The following BMP5 variants were observed in gnomAD, a reference collection of about 807,000 sequenced individuals.
BMP5 encodes the protein bone morphogenetic protein 5.
BMP5 carries 23 observed loss-of-function variants against 46.6 expected under a neutral mutation model. That is an observed-to-expected ratio of 0.49 (90% confidence interval 0.35 to 0.70). The LOEUF (loss-of-function observed/expected upper bound fraction) is 0.70, where lower values mean the gene tolerates loss of function less well. BMP5 is among the 30% of genes least tolerant of loss of function. The pLI is 0.00. For synonymous variants in BMP5, 204 were observed against 191.9 expected, an observed-to-expected ratio of 1.06 and a Z score of -0.52; for missense variants, 545 against 565.6, an observed-to-expected ratio of 0.96 and a Z score of 0.37.
chr6:55,831,252 T>A (rs1404594241), intron 1 of BMP5, among the ~76,000 whole-genome samples: 1 of 152,130 alleles, frequency 6.6e-6, no homozygotes, highest in Non-Finnish European at 1.5e-5. Context: ...GGGAAAATAA[T>A]ACTGACAAGT....
intron 3 of BMP5, among the ~76,000 whole-genome samples, chr6:55,775,832 G>A (rs1488600382): frequency 3.3e-5 from 5 of 151,656 alleles, no homozygotes; most frequent in Admixed American, 6.6e-5. Flanking sequence ...GAACAAGACC[G>A]TCAGAAAATG....
At chr6:55,799,002 A>G (rs1775781124) in intron 2 of BMP5, among the ~76,000 whole-genome samples, 1 of 152,224 alleles carries the variant, frequency 6.6e-6, no homozygotes, top group Admixed American at 6.5e-5. Context: ...TGGTGGAATG[A>G]GAATATAGAA....
At chr6:55,816,315 A>C (rs1776268783) in intron 2 of BMP5, among the ~76,000 whole-genome samples, 1 of 151,954 alleles carries the variant, frequency 6.6e-6, no homozygotes, top group Non-Finnish European at 1.5e-5. Context: ...TCTTTAAAAA[A>C]CTCATAATCC....
intron 1 of BMP5, among the ~76,000 whole-genome samples, chr6:55,828,850 T>G (rs1335065913): frequency 6.6e-6 from 1 of 151,844 alleles, no homozygotes; most frequent in African/African-American, 2.4e-5. Flanking sequence ...CACCCACTTT[T>G]AATTTTAAAT....
chr6:55,833,262 CA>C (rs1418987904), intron 1 of BMP5, among the ~76,000 whole-genome samples: 1 of 152,166 alleles, frequency 6.6e-6, no homozygotes, highest in Non-Finnish European at 1.5e-5. Context: ...CAACTAAGTA[CA>C]ACAAAAATTG....
In BMP5 at chr6:55,774,079, G is replaced by C; in HGVS notation, c.997C>G (p.Gln333Glu). The C allele has an allele frequency of 6.2e-7, 1 of 1,612,792 alleles. No individual in the cohort carries two copies. ...ACACTGGACATTCTGGAGGAGTCCT[G>C]ATGAGAGCTGGATTTATTGCGGTTT... ...NQNRNKSSSH[Q>E]DSSRMSSVGD... The change falls in exon 4 of 7, where the codon CAG becomes GAG. Residue 333 changes from glutamine (Q) to glutamate (E), a missense_variant. Transcript: ENST00000370830.
chr6:55,874,248 A>C, intron 1 of BMP5, 128 bp downstream of exon 1: 1 of 1,166,840 alleles, frequency 8.6e-7, no homozygotes, highest in Non-Finnish European at 1.2e-6. Flanking sequence ...AAGAAAACAG[A>C]AGCTAAACAG....
Position 55,774,101 on chromosome 6 carries a change from G to A in BMP5, c.975C>T (p.Asn325=). The A allele has an allele frequency of 6.2e-7, 1 of 1,613,042 alleles. No homozygotes were observed. Among genetic ancestry groups the A allele is most frequent in the Non-Finnish European group, 8.5e-7 (1 of 1,179,414 alleles). ...CCTGATGAGAGCTGGATTTATTGCG[G>A]TTTTGATTTTTTCGTTTGTTGGCTG... The part of the protein sequence containing the change: ...VRAANKRKNQ[N]RNKSSSHQDS... The change falls in exon 4 of 7, where the codon AAC becomes AAT. Residue 325 remains asparagine (N), a synonymous_variant. Coordinates refer to ENST00000370830, the MANE Select transcript of BMP5 (RefSeq NM_021073.4).
chr6:55,773,438 C>T (rs1198924137), intron 4 of BMP5, among the ~76,000 whole-genome samples: 1 of 151,622 alleles, frequency 6.6e-6, no homozygotes, highest in Non-Finnish European at 1.5e-5. Context: ...CTATAATTAA[C>T]AGATTAATTT....
chr6:55,806,811 A>C (rs1776001738), intron 2 of BMP5, among the ~76,000 whole-genome samples: 1 of 152,046 alleles, frequency 6.6e-6, no homozygotes, highest in Non-Finnish European at 1.5e-5. Context: ...ATTCCTAGGC[A>C]TTTTATTCTC....
At chr6:55,860,362 G>A (rs1777502683) in intron 1 of BMP5, among the ~76,000 whole-genome samples, 1 of 152,202 alleles carries the variant, frequency 6.6e-6, no homozygotes, top group Admixed American at 6.5e-5. Context: ...GTAAATGATT[G>A]AAAGTGGCCA....
intron 1 of BMP5, among the ~76,000 whole-genome samples, chr6:55,836,463 A>C (rs1438615270): frequency 6.6e-6 from 1 of 152,114 alleles, no homozygotes; most frequent in Non-Finnish European, 1.5e-5. Flanking sequence ...CCAGCATGAG[A>C]AATCTAAATT....
intron 4 of BMP5, among the ~76,000 whole-genome samples, chr6:55,764,390 G>A (rs773519056): frequency 6.6e-6 from 1 of 151,990 alleles, no homozygotes; most frequent in Admixed American, 6.6e-5. Context: ...TGGCTAACAC[G>A]GTGAAACCCC....
At chr6:55,828,011 C>A (rs1776572354) in intron 1 of BMP5, among the ~76,000 whole-genome samples, 1 of 151,826 alleles carries the variant, frequency 6.6e-6, no homozygotes, top group Admixed American at 6.6e-5. Context: ...TAGAGGTCAA[C>A]CATTCTAATC....
At position 55,857,990 on chromosome 6, in the gene BMP5, G is replaced by T. The variant is rs543551781; in HGVS notation, c.490+16386C>A. On this transcript the variant is annotated intron_variant, in intron 1 of 6. Transcript: ENST00000370830. ...TGACCTCAGGTGATCCACCCACCTC[G>T]GCCTCCCAAAGTGCTGGGATGACAG... is the stretch of plus-strand genomic sequence containing the variant. Among the ~76,000 whole-genome samples the T allele has an allele frequency of 4.5e-4, 68 of 151,962 alleles. 1 individual carries two copies. The highest frequency in any genetic ancestry group is 1.8e-4 in the Non-Finnish European group (12 of 67,976).
rs376052212 is a variant in BMP5, at chr6:55,760,441, G to C, written c.1104+16C>G. 11 of 1,610,262 alleles carry C rather than the reference G, an allele frequency of 6.8e-6. No homozygotes were observed. The highest frequency in any genetic ancestry group is 1.3e-5 in the African/African-American group (1 of 74,806). The stretch of plus-strand genomic sequence containing the variant: ...AATTCAGAAAAGAAGCACCAAAGTT[G>C]ACTGAAAATTCCTACCTGCCATCCC... On this transcript the variant is annotated intron_variant, in intron 5 of 6. Transcript: ENST00000370830.
chr6:55,843,221 C>G (rs1438683943), intron 1 of BMP5, among the ~76,000 whole-genome samples: 3 of 151,948 alleles, frequency 2.0e-5, no homozygotes, highest in Non-Finnish European at 2.9e-5. Flanking sequence ...TATAAACTTA[C>G]TGATAAGTAA....
At chr6:55,770,724 A>T (rs188382718) in intron 4 of BMP5, among the ~76,000 whole-genome samples, 245 of 152,014 alleles carry the variant, frequency 1.6e-3, no homozygotes, top group Non-Finnish European at 2.5e-3. Flanking sequence ...AAAGTGAGAG[A>T]TGTTTAAATC....
rs185741463 is a variant in BMP5 at position 55,771,821 on chromosome 6, G to A, written c.1027+2228C>T. ...CCCATCCCACCCCTTCTTATCCATA[G>A]AGCCTTTGCACAATATCTTATTGTA... On this transcript the variant is annotated intron_variant, in intron 4 of 6. Transcript: ENST00000370830. Among the ~76,000 whole-genome samples, 5 of 151,856 alleles carry A rather than the reference G, an allele frequency of 3.3e-5. No individual in the cohort carries two copies. The East Asian group carries it at 9.7e-4, about 30-fold the overall frequency.
Sources: gnomAD v4.1 joint callset for allele counts (sites outside exome capture counted in the v4.1 genomes callset) on GRCh38, gnomAD v4.1.1 for gene constraint, MANE v1.5 for transcripts, NCBI Gene and HGNC (gene_info 2026-07-23, HGNC 2026-07-21) for gene names.